Variants in DDX60 observed in about 807,000 individuals in gnomAD.
DDX60 encodes DExD/H-box helicase 60.
Under a neutral mutation model 212.8 loss-of-function variants are expected in DDX60, and 165 were observed. That is an observed-to-expected ratio of 0.78 (90% CI 0.68 to 0.88). The LOEUF is 0.88. Ranked by LOEUF, DDX60 falls within the 40% of genes least tolerant of loss-of-function variation. The pLI, the probability that DDX60 is intolerant of heterozygous loss-of-function variation, is 0.00. For synonymous variants in DDX60, 703 were observed against 685.3 expected (o/e 1.03, Z -0.40); for missense variants, 1,905 against 2,003.9 (o/e 0.95, Z 0.94).
intron 21 of DDX60, 39 bp from the exon 22 acceptor site, chr4:168,267,730 T>G: frequency 6.5e-7 from 1 of 1,546,430 alleles, no homozygotes; most frequent in East Asian, 2.3e-5. Flanking sequence ...TCAATGGAAA[T>G]GTAATCACTG....
intron 14 of DDX60, among the ~76,000 whole-genome samples, chr4:168,276,732 T>C (rs1283326349): frequency 2.0e-5 from 3 of 152,226 alleles, no homozygotes; most frequent in South Asian, 2.1e-4. Context: ...AATTATTTCA[T>C]ACTTATTATG....
At chr4:168,288,088 G>T (rs1470885233) in intron 9 of DDX60, 86 bp downstream of exon 9, 5 of 904,890 alleles carry the variant, frequency 5.5e-6, no homozygotes, top group Non-Finnish European at 8.0e-6. Flanking sequence ...TATGTTGGAA[G>T]TACAGAAAAA....
rs945604569 is a variant in DDX60 at position 168,272,087 on chromosome 4, G to T, written c.2626C>A (p.Arg876Ser). Residue 876 changes from arginine to serine, a missense_variant, in exon 19 of 38, where the codon CGC becomes AGC. By Grantham distance (110) the Arg-to-Ser change is moderately radical. Coordinates refer to ENST00000393743, the MANE Select transcript of DDX60 (RefSeq NM_017631.6). ...CTGATCTTTTTCACCCAGTTTTGGCGATGAGGAGCAAGCAGCAGAATTTCA... is the reference window on the plus strand; with the variant it reads ...CTGATCTTTTTCACCCAGTTTTGGCTATGAGGAGCAAGCAGCAGAATTTCA... ...CFEILLLAPH[R>S]QNWVKKIRYV... is the part of the protein sequence containing the mutation. The T allele has an allele frequency of 6.3e-7, 1 of 1,587,954 alleles. No homozygotes were observed. The highest frequency in any genetic ancestry group is 8.6e-7 in the Non-Finnish European group (1 of 1,164,468).
chr4:168,222,352 C>T (rs558536130), intron 35 of DDX60, among the ~76,000 whole-genome samples: 5 of 152,096 alleles, frequency 3.3e-5, no homozygotes, highest in South Asian at 2.1e-4. Context: ...AAAAAGAAGG[C>T]GGTGAATAGT....
chr4:168,307,380 A>G (rs1736929878), intron 4 of DDX60, among the ~76,000 whole-genome samples: 1 of 152,196 alleles, frequency 6.6e-6, no homozygotes, highest in Non-Finnish European at 1.5e-5. Flanking sequence ...AATTATATTC[A>G]TAATAAAAAA....
chr4:168,310,980 T>C lies in DDX60; in HGVS notation c.74+18A>G, dbSNP rs1217174573. The C allele has an allele frequency of 2.8e-6, 4 of 1,426,110 alleles. No individual in the cohort carries two copies. The highest frequency in any genetic ancestry group is 3.9e-6 in the Non-Finnish European group (4 of 1,017,772). The allele number at this position is 1,426,110 out of a possible 1,614,324, so 88.3% of individuals were successfully genotyped here. On this transcript the variant is annotated intron_variant, in intron 3 of 37. Transcript: ENST00000393743. The stretch of plus-strand genomic sequence containing the variant: ...ATGAGCTATGATTTCCCGTCTTTAT[T>C]ACTATAATAATACTCACTCAGCTTT...
At chr4:168,248,086 C>T in intron 29 of DDX60, 102 bp downstream of exon 29, 2 of 703,480 alleles carry the variant, frequency 2.8e-6, no homozygotes, top group Non-Finnish European at 4.5e-6. Flanking sequence ...AGTTATGCTA[C>T]TGTGAATTGT....
intron 27 of DDX60, 55 bp from the exon 28 acceptor site, chr4:168,251,161 A>G (rs865990959): frequency 6.7e-7 from 1 of 1,490,666 alleles, no homozygotes; most frequent in Middle Eastern, 2.0e-4. Context: ...ATAATTAAAA[A>G]TGTCTAAATG....
chr4:168,299,567 TA>T lies in DDX60; in HGVS notation c.723+2732del, dbSNP rs879813717. 4.0e-3 allele frequency among the ~76,000 whole-genome samples: 595 copies of T among 149,138 alleles called. 1 individual carries two copies. The highest frequency in any genetic ancestry group is 0.017 in the Middle Eastern group (5 of 292). ...GACAAACCACTAGCTAACCTGATCA[TA>T]AAAAAAAACCAAGAGAATTCACAAA... On this transcript the variant is annotated intron_variant, in intron 6 of 37. Coordinates refer to ENST00000393743, the MANE Select transcript of DDX60 (RefSeq NM_017631.6).
rs1003972190 is a variant in DDX60, at chr4:168,302,866, C to T, written c.607-450G>A. Among the ~76,000 whole-genome samples the T allele has an allele frequency of 2.6e-5, 4 of 152,122 alleles. No homozygotes were observed. In the East Asian group the frequency reaches 7.7e-4, roughly 29 times the overall value. On this transcript the variant is annotated intron_variant, in intron 5 of 37. Coordinates refer to ENST00000393743, the MANE Select transcript of DDX60 (RefSeq NM_017631.6). ...TAACCCCCCTTTCAGGTACCTATCA[C>T]CCAGCAGCAGCCATTTTAAATATGC...
At position 168,287,148 on chromosome 4, in the gene DDX60, A is replaced by G. The variant is rs1214215931; in HGVS notation, c.1239T>C (p.Asn413=). 1 of 1,611,314 alleles carries G rather than the reference A, an allele frequency of 6.2e-7. No homozygotes were observed. The highest frequency in any genetic ancestry group is 8.5e-7 in the Non-Finnish European group (1 of 1,178,630). The change falls in exon 10 of 38, where the codon AAT becomes AAC. Residue 413 remains asparagine (N), a synonymous_variant. Transcript: ENST00000393743. The part of the protein sequence containing the change: ...TIMKDYEYLW[N]TVSKLVRDFE... ...AGTCTCTGACCAACTTTGATACGGT[A>G]TTCCAGAGATATTCATAATCTTTCA...
chr4:168,295,742 A>T (rs1312933505), intron 6 of DDX60, among the ~76,000 whole-genome samples: 1 of 152,220 alleles, frequency 6.6e-6, no homozygotes, highest in Non-Finnish European at 1.5e-5. Flanking sequence ...AACAATCAAG[A>T]CGTGGATCAA....
At chr4:168,318,781 T>C (rs563825143), upstream of DDX60, 1 of 152,440 alleles carries the variant, frequency 6.6e-6, no homozygotes, top group Admixed American at 6.5e-5. Context: ...CAGTCTTTTA[T>C]GCATCCGGCG....
chr4:168,224,431 A>G (rs774774632), intron 34 of DDX60, 46 bp from the exon 35 acceptor site: 36 of 1,584,912 alleles, frequency 2.3e-5, no homozygotes, highest in Non-Finnish European at 2.9e-5. Context: ...AACTCAGTCA[A>G]ATTGTCAAAC....
chr4:168,264,470 C>A (rs1426960719), intron 22 of DDX60, among the ~76,000 whole-genome samples: 1 of 152,046 alleles, frequency 6.6e-6, no homozygotes, highest in Non-Finnish European at 1.5e-5. Flanking sequence ...ACTTATTCGA[C>A]CTATCTAAAA....
At chr4:168,308,655 T>C (rs1736996785) in intron 3 of DDX60, among the ~76,000 whole-genome samples, 1 of 148,692 alleles carries the variant, frequency 6.7e-6, no homozygotes, top group African/African-American at 2.4e-5. Context: ...TACATAGTTC[T>C]ATATACTGTT....
chr4:168,221,321 A>G (rs569214969), intron 36 of DDX60, among the ~76,000 whole-genome samples: 1 of 152,310 alleles, frequency 6.6e-6, no homozygotes, highest in Non-Finnish European at 1.5e-5. Flanking sequence ...CCACAGAACT[A>G]AAACAATTGT....
chr4:168,280,597 C>G lies in DDX60; in HGVS notation c.1723-7G>C. On this transcript the variant is annotated splice_polypyrimidine_tract_variant and splice_region_variant and intron_variant, in intron 13 of 37. Transcript: ENST00000393743. ...TTATTTCAGCCTTGGTCTCCTGCCC[C>G]AAAGGAAAAAACATCTCTTAAGACA... The G allele has an allele frequency of 1.3e-6, 2 of 1,592,608 alleles. No homozygotes were observed. Among genetic ancestry groups the G allele is most frequent in the Non-Finnish European group, 1.7e-6 (2 of 1,173,078 alleles).
At chr4:168,219,274 G>A (rs986374749) in intron 37 of DDX60, among the ~76,000 whole-genome samples, 2 of 150,898 alleles carry the variant, frequency 1.3e-5, no homozygotes, top group Non-Finnish European at 2.9e-5. Context: ...CTGGGTGACA[G>A]AGCGTGACTC....
Sources: allele counts gnomAD v4.1 joint callset (sites outside exome capture counted in the v4.1 genomes callset), GRCh38; gene constraint gnomAD v4.1.1; transcripts MANE v1.5; gene names NCBI Gene and HGNC (gene_info 2026-07-23, HGNC 2026-07-21).